The following MACF1 variants were observed in gnomAD, a reference collection of about 807,000 sequenced individuals.
MACF1 encodes the protein microtubule actin crosslinking factor 1, also known as microtubule-actin cross-linking factor 1.
MACF1 carries 193 observed loss-of-function variants against 854.8 expected under a neutral mutation model. The ratio of observed to expected loss-of-function variants is 0.23; its 90% confidence interval spans 0.20 to 0.25. The LOEUF is 0.25. MACF1 is among the 10% of genes least tolerant of loss of function. The pLI, the probability that MACF1 is intolerant of heterozygous loss-of-function variation, is 1.00. For synonymous variants in MACF1, 3,185 were observed against 3,226.7 expected (o/e 0.99, Z 0.44); for missense variants, 7,722 against 8,929.1 (o/e 0.86, Z 5.45).
rs112451974 is a variant in MACF1, at chr1:39,192,696, G to A, written c.221-38486G>A. Among the ~76,000 whole-genome samples, 734 of 152,324 alleles carry A rather than the reference G, an allele frequency of 4.8e-3. 5 individuals are homozygous for A. The highest frequency in any genetic ancestry group is 0.016 in the African/African-American group (675 of 41,568). On this transcript the variant is annotated intron_variant, in intron 2 of 93. Coordinates refer to the MACF1 transcript ENST00000361689. Reference sequence around the variant, plus strand: ...CTTTGTCCAGTAGGGGTCACTGAGGGTTAGGCTCTCAATAAGAGAAACACT... The same window carrying A: ...CTTTGTCCAGTAGGGGTCACTGAGGATTAGGCTCTCAATAAGAGAAACACT...
Position 39,335,941 on chromosome 1 carries a change from A to G in MACF1, c.9353A>G (p.Asp3118Gly), listed in dbSNP as rs1479330475. 2 of 1,614,194 alleles carry G rather than the reference A, an allele frequency of 1.2e-6. No individual in the cohort carries two copies. The highest frequency in any genetic ancestry group is 1.7e-6 in the Non-Finnish European group (2 of 1,180,022). Residue 3118 changes from aspartate to glycine, a missense_variant, in exon 37 of 101, where the codon GAT becomes GGT. Physicochemically the swap from Asp to Gly is moderately conservative, Grantham distance 94 (BLOSUM62 -1). Coordinates refer to ENST00000564288, the MANE Select transcript of MACF1 (RefSeq NM_001394062.1). ...RPEGLHYQES[D>G]GKAQVTGPSQ... ...GAAGGATTGCACTACCAGGAATCAGATGGAAAAGCCCAAGTGACAGGCCCA... is the reference window on the plus strand; with the variant it reads ...GAAGGATTGCACTACCAGGAATCAGGTGGAAAAGCCCAAGTGACAGGCCCA...
At chr1:39,375,532 A>C (rs916291042) in intron 52 of MACF1, among the ~76,000 whole-genome samples, 1 of 152,104 alleles carries the variant, frequency 6.6e-6, no homozygotes, top group Non-Finnish European at 1.5e-5. Context: ...CAATCTCCTG[A>C]CCTTGTGATC....
intron 52 of MACF1, among the ~76,000 whole-genome samples, chr1:39,374,188 G>A (rs1649515953): frequency 6.6e-6 from 1 of 152,180 alleles, no homozygotes; most frequent in South Asian, 2.1e-4. Flanking sequence ...GTTGCAGTGA[G>A]CCAAGATTGC....
chr1:39,465,925 T>TA (rs1178174931), intron 95 of MACF1, among the ~76,000 whole-genome samples: 1 of 152,174 alleles, frequency 6.6e-6, no homozygotes, highest in Non-Finnish European at 1.5e-5. Flanking sequence ...AAACTGGCTT[T>TA]AAAAAAACAT....
chr1:39,432,347 TGTG>T (rs1284372296), intron 66 of MACF1, among the ~76,000 whole-genome samples, 185 bp from the exon 67 acceptor site: 2 of 152,226 alleles, frequency 1.3e-5, no homozygotes, highest in Admixed American at 6.5e-5. Flanking sequence ...GAAATTGAAA[TGTG>T]GTCAGTTTTA....
intron 2 of MACF1, among the ~76,000 whole-genome samples, chr1:39,150,721 A>C (rs1219412899): frequency 6.6e-6 from 1 of 152,200 alleles, no homozygotes; most frequent in Non-Finnish European, 1.5e-5. Flanking sequence ...GTAAATTTTC[A>C]GCTCTGATCT....
intron 70 of MACF1, chr1:39,435,994 G>T (rs950629908): frequency 2.0e-6 from 1 of 499,096 alleles, no homozygotes; most frequent in Non-Finnish European, 3.5e-6. Flanking sequence ...GTCTGTTGAT[G>T]GTTTCTCTGA....
chr1:39,435,507 C>G, intron 69 of MACF1, 51 bp from the exon 70 acceptor site: 1 of 1,436,992 alleles, frequency 7.0e-7, no homozygotes, highest in Non-Finnish European at 9.7e-7. Context: ...TATCTAAATA[C>G]ATAAACTGGT....
At chr1:39,104,853 C>A (rs1642180153) in intron 2 of MACF1, among the ~76,000 whole-genome samples, 1 of 152,236 alleles carries the variant, frequency 6.6e-6, no homozygotes, top group South Asian at 2.1e-4. Context: ...TGTCCTCGTT[C>A]TGACCGCGTC....
chr1:39,146,837 C>T (rs1439617900), intron 2 of MACF1, among the ~76,000 whole-genome samples: 2 of 152,042 alleles, frequency 1.3e-5, no homozygotes, highest in Non-Finnish European at 2.9e-5. Context: ...TTAAAAATAA[C>T]TAAAAGAGTT....
At chr1:39,482,288 A>T in intron 99 of MACF1, among the ~76,000 whole-genome samples, 1 of 152,072 alleles carries the variant, frequency 6.6e-6, no homozygotes, top group Non-Finnish European at 1.5e-5. Flanking sequence ...TCTTCCTCCT[A>T]TGTGGCCAGG....
chr1:39,422,945 G>A (rs747802432), intron 60 of MACF1, 45 bp downstream of exon 60: 2 of 1,558,396 alleles, frequency 1.3e-6, no homozygotes, highest in Non-Finnish European at 1.8e-6. Flanking sequence ...GCCGTAGGGA[G>A]TAGTAGACAA....
At chr1:39,231,561 TC>T (rs1193449371) in intron 2 of MACF1, among the ~76,000 whole-genome samples, 1 of 152,220 alleles carries the variant, frequency 6.6e-6, no homozygotes, top group Non-Finnish European at 1.5e-5. Context: ...CTTGTATTAA[TC>T]TGCTTCTTGG....
intron 2 of MACF1, among the ~76,000 whole-genome samples, chr1:39,155,532 G>A (rs545004284): frequency 6.6e-6 from 1 of 152,302 alleles, no homozygotes; most frequent in Non-Finnish European, 1.5e-5. Context: ...ATTGCTTTCA[G>A]ATCATGACAC....
chr1:39,102,440 G>GGTCAA (rs1557454140), intron 2 of MACF1, among the ~76,000 whole-genome samples: 1 of 151,664 alleles, frequency 6.6e-6, no homozygotes, highest in Non-Finnish European at 1.5e-5. Flanking sequence ...GAGGCGGGGG[G>GGTCAA]GGGGTCAAGG....
intron 26 of MACF1, 34 bp from the exon 27 acceptor site, chr1:39,315,479 G>A (rs765911074): frequency 1.2e-5 from 19 of 1,605,124 alleles, no homozygotes; most frequent in Middle Eastern, 1.7e-4. Flanking sequence ...GTTCAATTCT[G>A]TCTCCCTCTT....
intron 58 of MACF1, among the ~76,000 whole-genome samples, chr1:39,405,008 AAAG>A (rs1444276731): frequency 6.6e-6 from 1 of 152,134 alleles, no homozygotes; most frequent in Non-Finnish European, 1.5e-5. Context: ...ATTAGTCTAA[AAAG>A]AGGGATTAAT....
At chr1:39,343,612 C>T (rs6704246) in intron 40 of MACF1, among the ~76,000 whole-genome samples, 90,617 of 152,128 alleles carry the variant, frequency 0.6, 29,164 homozygotes, top group South Asian at 0.78. Flanking sequence ...TAGCAGAGAA[C>T]GACAGTCTGA....
chr1:39,171,656 C>T (rs1207719507), intron 2 of MACF1, among the ~76,000 whole-genome samples: 7 of 152,150 alleles, frequency 4.6e-5, no homozygotes, highest in East Asian at 1.9e-4. Context: ...GACACAGTCT[C>T]GCTCTGTCGC....
Sources: gnomAD v4.1 joint callset for allele counts (sites outside exome capture counted in the v4.1 genomes callset) on GRCh38, gnomAD v4.1.1 for gene constraint, MANE v1.5 for transcripts, NCBI Gene and HGNC (gene_info 2026-07-23, HGNC 2026-07-21) for gene names.